Variants in SCNN1B observed in about 807,000 individuals in gnomAD.
The protein encoded by SCNN1B is sodium channel epithelial 1 subunit beta.
In SCNN1B, 46 loss-of-function variants were observed where a neutral mutation model predicts 65.3. That is an observed-to-expected ratio of 0.70 (90% CI 0.56 to 0.90). The LOEUF (loss-of-function observed/expected upper bound fraction) is 0.90, where lower values mean the gene tolerates loss of function less well. SCNN1B is among the 40% of genes least tolerant of loss of function. SCNN1B has a pLI of 0.00. For missense variants in SCNN1B, 751 were observed against 830.5 expected (o/e 0.90, Z 1.18); for synonymous variants, 349 against 330.6 (o/e 1.06, Z -0.60).
At chr16:23,371,701 C>T in intron 6 of SCNN1B, 75 bp from the exon 7 acceptor site, 1 of 1,287,960 alleles carries the variant, frequency 7.8e-7, no homozygotes, top group Non-Finnish European at 1.1e-6. Flanking sequence ...TCCCCAAATG[C>T]TTGATAGAAG....
chr16:23,365,620 A>AAGAAAG (rs1567313778), intron 4 of SCNN1B, among the ~76,000 whole-genome samples: 41 of 80,502 alleles, frequency 5.1e-4, no homozygotes, highest in Admixed American at 1.2e-4. Flanking sequence ...AAAGAAAGAA[A>AAGAAAG]AAAGAAAGAA....
chr16:23,337,505 G>A (rs895512860), intron 1 of SCNN1B, among the ~76,000 whole-genome samples: 1 of 151,082 alleles, frequency 6.6e-6, no homozygotes, highest in Non-Finnish European at 1.5e-5. Context: ...AGCCTCCCAA[G>A]TAGCTGGAAT....
chr16:23,365,459 AAG>A (rs1013657991), intron 4 of SCNN1B, among the ~76,000 whole-genome samples: 6 of 148,408 alleles, frequency 4.0e-5, no homozygotes, highest in African/African-American at 1.3e-4. Context: ...GAGAAGGAGA[AAG>A]AGAAAGAAAA....
intron 4 of SCNN1B, among the ~76,000 whole-genome samples, chr16:23,366,474 C>T (rs932077390): frequency 2.0e-5 from 3 of 151,954 alleles, no homozygotes; most frequent in African/African-American, 7.3e-5. Flanking sequence ...TGGCTCACGC[C>T]TGTAATCGCA....
At chr16:23,336,331 CA>C (rs747564229) in intron 1 of SCNN1B, among the ~76,000 whole-genome samples, 5 of 151,604 alleles carry the variant, frequency 3.3e-5, no homozygotes, top group Non-Finnish European at 5.9e-5. Context: ...CCGTGAAAGA[CA>C]ATTAACAGGG....
intron 4 of SCNN1B, among the ~76,000 whole-genome samples, chr16:23,363,394 C>G (rs910556289): frequency 1.6e-4 from 25 of 152,344 alleles, no homozygotes; most frequent in African/African-American, 5.8e-4. Context: ...TGAAATCAAG[C>G]AGGCTGGCTC....
intron 2 of SCNN1B, among the ~76,000 whole-genome samples, chr16:23,290,303 A>G (rs1026254851): frequency 5.9e-5 from 9 of 152,084 alleles, no homozygotes; most frequent in African/African-American, 1.9e-4. Flanking sequence ...TATGTGATCA[A>G]ACTCTAGGTT....
At chr16:23,349,009 TCTC>T in intron 2 of SCNN1B, 99 bp downstream of exon 2, 1 of 931,142 alleles carries the variant, frequency 1.1e-6, no homozygotes, top group Non-Finnish European at 1.7e-6. Context: ...TTTCCTTCCT[TCTC>T]CTTTCTCTCC....
At chr16:23,376,846 C>T (rs585589) in intron 8 of SCNN1B, among the ~76,000 whole-genome samples, 6,700 of 151,772 alleles carry the variant, frequency 0.044, 174 homozygotes, top group Middle Eastern at 0.085. Flanking sequence ...CCAACACAAA[C>T]TAAATGGGAA....
At chr16:23,342,408 C>T (rs1443386128) in intron 1 of SCNN1B, among the ~76,000 whole-genome samples, 6 of 152,180 alleles carry the variant, frequency 3.9e-5, no homozygotes, top group Non-Finnish European at 8.8e-5. Context: ...CCACCACACC[C>T]GGCTAATTTT....
intron 11 of SCNN1B, among the ~76,000 whole-genome samples, chr16:23,379,753 T>C (rs565217365): frequency 9.9e-5 from 15 of 152,126 alleles, no homozygotes; most frequent in African/African-American, 3.4e-4. Flanking sequence ...GAGTGTCCTG[T>C]AGGGAACTGG....
At chr16:23,360,230 A>T (rs1230244075) in intron 4 of SCNN1B, among the ~76,000 whole-genome samples, 2 of 150,396 alleles carry the variant, frequency 1.3e-5, no homozygotes, top group Admixed American at 6.6e-5. Context: ...ATAAATAAAC[A>T]AATAAATAAA....
chr16:23,342,783 T>A (rs533957248), intron 1 of SCNN1B, among the ~76,000 whole-genome samples: 1 of 152,176 alleles, frequency 6.6e-6, no homozygotes, highest in Non-Finnish European at 1.5e-5. Context: ...GCTTGATTTA[T>A]ATGAAACATC....
rs72654348 is a variant in SCNN1B at position 23,379,879 on chromosome 16, C to T, written c.1467-215C>T. 0.014 allele frequency among the ~76,000 whole-genome samples: 2,143 copies of T among 152,258 alleles called. 34 individuals carry two copies. Among genetic ancestry groups the T allele is most frequent in the Middle Eastern group, 0.065 (19 of 294 alleles). ...TTGGACCTCCCCACTCACGGGGGCA[C>T]GCATGAGAGAAGCTCAGGACAGAGG... On this transcript the variant is annotated intron_variant, in intron 11 of 12. Transcript: ENST00000343070.
intron 1 of SCNN1B, among the ~76,000 whole-genome samples, chr16:23,305,581 A>ATATATATATATATATATATAAATAT (rs1961198824): frequency 3.0e-5 from 1 of 33,422 alleles, no homozygotes; most frequent in African/African-American, 1.8e-4. Flanking sequence ...TATATATTAT[A>ATATATATATATATATATATAAATAT]TATATATATA....
chr16:23,359,704 C>T (rs939747507), intron 4 of SCNN1B, among the ~76,000 whole-genome samples: 2 of 151,628 alleles, frequency 1.3e-5, no homozygotes, highest in African/African-American at 4.9e-5. Flanking sequence ...CATGTGGACC[C>T]CAACACCAAA....
chr16:23,343,618 A>T (rs537884522), intron 1 of SCNN1B, among the ~76,000 whole-genome samples: 1 of 130,176 alleles, frequency 7.7e-6, no homozygotes, highest in East Asian at 2.4e-4. Context: ...AAAGAAAGAA[A>T]GAAAGAAAGA....
chr16:23,320,782 C>T (rs1346845779), intron 1 of SCNN1B, among the ~76,000 whole-genome samples: 1 of 152,180 alleles, frequency 6.6e-6, no homozygotes, highest in African/African-American at 2.4e-5. Flanking sequence ...CAGCTTCAGG[C>T]CTGGAGCCCC....
intron 1 of SCNN1B, among the ~76,000 whole-genome samples, chr16:23,321,707 G>A (rs543273839): frequency 1.3e-5 from 2 of 152,130 alleles, no homozygotes; most frequent in African/African-American, 2.4e-5. Context: ...CTCCGCGGAC[G>A]GTGGCTGCTA....
Sources: gnomAD v4.1 joint callset for allele counts (sites outside exome capture counted in the v4.1 genomes callset) on GRCh38, gnomAD v4.1.1 for gene constraint, MANE v1.5 for transcripts, NCBI Gene and HGNC (gene_info 2026-07-23, HGNC 2026-07-21) for gene names.